Variants in P4HB observed in about 807,000 individuals in gnomAD.
The protein encoded by P4HB is prolyl 4-hydroxylase subunit beta.
In P4HB, 20 loss-of-function variants were observed where a neutral mutation model predicts 52.6. The ratio of observed to expected loss-of-function variants is 0.38; its 90% confidence interval spans 0.27 to 0.55. P4HB has a LOEUF of 0.55. P4HB is among the 20% of genes least tolerant of loss of function. P4HB has a pLI of 0.74. For synonymous variants in P4HB, 296 were observed against 277.9 expected (o/e 1.07, Z -0.65); for missense variants, 601 against 669.2 (o/e 0.90, Z 1.12).
rs201105668 is a variant in P4HB, at chr17:81,843,468, A to T, written c.*544T>A. The T allele has an allele frequency of 2.5e-4, 101 of 400,380 alleles. No individual in the cohort carries two copies. In the South Asian group the frequency reaches 4.2e-3, roughly 17 times the overall value. The allele number at this position is 400,380 out of a possible 1,614,324, so 24.8% of individuals were successfully genotyped here. On this transcript the variant is annotated 3_prime_UTR_variant, in exon 11 of 11. Coordinates refer to ENST00000331483, the MANE Select transcript of P4HB (RefSeq NM_000918.4). ...CAGGCATGGGGGACACCCTGACAGG[A>T]TCCGGAAGTCTCCATTTACCCAAAA... is the stretch of plus-strand genomic sequence containing the variant.
rs761747641 is a variant in P4HB, at chr17:81,843,990, C to T, written c.*22G>A. 31 of 1,586,818 alleles carry T rather than the reference C, an allele frequency of 2.0e-5. No homozygotes were observed. In the African/African-American group the frequency reaches 2.0e-4, roughly 10 times the overall value. On this transcript the variant is annotated 3_prime_UTR_variant, in exon 11 of 11. Coordinates refer to ENST00000331483, the MANE Select transcript of P4HB (RefSeq NM_000918.4). ...TGCAGCCCCCGAGGGGTCTCGGCAG[C>T]GCCCGGGTCTGGCTTTGCGTATTAC...
intron 10 of P4HB, among the ~76,000 whole-genome samples, 176 bp from the exon 11 acceptor site, chr17:81,844,268 A>G (rs535643176): frequency 3.3e-5 from 5 of 152,340 alleles, no homozygotes; most frequent in Middle Eastern, 3.4e-3. Flanking sequence ...CTTCCCAGGA[A>G]GAGTGACGCC....
chr17:81,846,555 T>C lies in P4HB; in HGVS notation c.930A>G (p.Glu310=). 1 of 1,614,046 alleles carries C rather than the reference T, an allele frequency of 6.2e-7. No individual in the cohort carries two copies. Among genetic ancestry groups the C allele is most frequent in the Non-Finnish European group, 8.5e-7 (1 of 1,180,008 alleles). The change falls in exon 7 of 11, where the codon GAA becomes GAG. Residue 310 remains glutamate (E), a synonymous_variant. Transcript: ENST00000331483. This position sits in a 1 kb window ranked among gnomAD's most constrained non-coding sequence, Gnocchi z 5.7. ...RILEFFGLKK[E]ECPAVRLITL... ...TGATGAGGCGCACGGCCGGGCACTC[T>C]TCCTTCTTCAGGCCAAAGAACTCGA...
In P4HB at chr17:81,855,435, G is replaced by A; in HGVS notation, c.486+18C>T. On this transcript the variant is annotated intron_variant, in intron 3 of 10. Transcript: ENST00000331483. The surrounding 1 kb of genome is among the most constrained non-coding windows in gnomAD (Gnocchi z 4.3). ...TGGATGACGGAAGGAAGGAAGACTG[G>A]AATGCTCTGGTCTCTACCTTGAAGA... 14 of 1,603,696 alleles carry A rather than the reference G, an allele frequency of 8.7e-6. No homozygotes were observed. Among genetic ancestry groups the A allele is most frequent in the Non-Finnish European group, 1.2e-5 (14 of 1,172,918 alleles).
chr17:81,852,884 G>C (rs138484204), intron 4 of P4HB, among the ~76,000 whole-genome samples: 95 of 152,374 alleles, frequency 6.2e-4, no homozygotes, highest in Non-Finnish European at 1.0e-3. Context: ...AGTTTCGTGG[G>C]CTCTGGAGAA....
intron 1 of P4HB, chr17:81,859,598 C>G (rs1448582291): frequency 3.5e-6 from 2 of 578,076 alleles, no homozygotes; most frequent in Admixed American, 3.0e-5. Context: ...AAACTACCAC[C>G]AACCAACACC....
rs202138544 is a variant in P4HB at position 81,849,510 on chromosome 17, AAAAT to A, written c.625-2167_625-2164del. ...ACTTCATCTCAAAAAATAAAAAATAAAAATAAATAGAGAGAAAAAAACGATTTTT... is the reference window on the plus strand; with the variant it reads ...ACTTCATCTCAAAAAATAAAAAATAAAAATAGAGAGAAAAAAACGATTTTT... On this transcript the variant is annotated intron_variant, in intron 4 of 10. Transcript: ENST00000331483. Among the ~76,000 whole-genome samples, 714 of 152,280 alleles carry A rather than the reference AAAAT, an allele frequency of 4.7e-3. 6 individuals carry two copies. The highest frequency in any genetic ancestry group is 0.016 in the African/African-American group (660 of 41,568).
In P4HB at chr17:81,846,514, A is replaced by G. The variant is rs1435567734; in HGVS notation, c.971T>C (p.Met324Thr). The change falls in exon 7 of 11, where the codon ATG becomes ACG. Residue 324 changes from methionine to threonine, a missense_variant. Physicochemically the swap from Met to Thr is moderately conservative, Grantham distance 81. Coordinates refer to ENST00000331483, the MANE Select transcript of P4HB (RefSeq NM_000918.4). This position sits in a 1 kb window ranked among gnomAD's most constrained non-coding sequence, Gnocchi z 5.7. ...CTCCGATTCGGGCTTGTACTTGGTC[A>G]TCTCCTCCTCCAGGGTGATGAGGCG... ...AVRLITLEEE[M>T]TKYKPESEEL... 6.2e-7 allele frequency: 1 copy of G among 1,613,908 alleles called. No homozygotes were observed.
chr17:81,854,119 C>T (rs887591417), intron 4 of P4HB, among the ~76,000 whole-genome samples: 2 of 152,246 alleles, frequency 1.3e-5, no homozygotes, highest in Non-Finnish European at 2.9e-5. Flanking sequence ...GAGGGGCATA[C>T]GAAGTGTGGG....
chr17:81,860,318 G>C lies in P4HB; in HGVS notation c.145+9C>G, dbSNP rs753889611. On this transcript the variant is annotated intron_variant, in intron 1 of 10. Transcript: ENST00000331483. ...CGAGCCCCGCCCGCCCGCCAGGCCC[G>C]GCGCTCACAGAACTCCACCAGCAGG... 18 of 1,451,582 alleles carry C rather than the reference G, an allele frequency of 1.2e-5. 1 individual carries two copies. The Admixed American group carries it at 4.5e-4, about 37-fold the overall frequency. The allele number at this position is 1,451,582 out of a possible 1,614,324, so 89.9% of individuals were successfully genotyped here.
At chr17:81,844,122 C>G (rs1423601245) in intron 10 of P4HB, 30 bp from the exon 11 acceptor site, 2 of 1,514,454 alleles carry the variant, frequency 1.3e-6, no homozygotes, top group Non-Finnish European at 9.2e-7. Context: ...GCGGGGCGGG[C>G]AGGTTGGCTG....
Position 81,847,234 on chromosome 17 carries a change from C to T in P4HB, c.729+9G>A, listed in dbSNP as rs753871552. Reference sequence around the variant, plus strand: ...CATCCCCAGCCTGGGGGCTGCAGGGCAGCCGCACCTGCTCGGTGAACTCGA... The same window carrying T: ...CATCCCCAGCCTGGGGGCTGCAGGGTAGCCGCACCTGCTCGGTGAACTCGA... On this transcript the variant is annotated intron_variant, in intron 5 of 10. Transcript: ENST00000331483. 1 of 1,613,252 alleles carries T rather than the reference C, an allele frequency of 6.2e-7. No homozygotes were observed. Among genetic ancestry groups the T allele is most frequent in the Admixed American group, 1.7e-5 (1 of 60,026 alleles).
chr17:81,846,029 C>T lies in P4HB; in HGVS notation c.1057-38G>A, dbSNP rs202079690. ...CAGGGCACGGTGAGGGGCGGCGATG[C>T]CTGGGGGACCACAGAGCTCCCCAAC... On this transcript the variant is annotated intron_variant, in intron 7 of 10. Coordinates refer to ENST00000331483, the MANE Select transcript of P4HB (RefSeq NM_000918.4). This position sits in a 1 kb window ranked among gnomAD's most constrained non-coding sequence, Gnocchi z 5.7. 25 of 1,567,158 alleles carry T rather than the reference C, an allele frequency of 1.6e-5. No homozygotes were observed. Among genetic ancestry groups the T allele is most frequent in the Non-Finnish European group, 2.1e-5 (24 of 1,156,098 alleles).
At position 81,855,598 on chromosome 17, in the gene P4HB, C is replaced by T. The variant is rs1316352267; in HGVS notation, c.353-12G>A. 4 of 1,611,132 alleles carry T rather than the reference C, an allele frequency of 2.5e-6. No homozygotes were observed. The highest frequency in any genetic ancestry group is 3.3e-5 in the Admixed American group (2 of 59,754). On this transcript the variant is annotated splice_polypyrimidine_tract_variant and intron_variant, in intron 2 of 10. Coordinates refer to ENST00000331483, the MANE Select transcript of P4HB (RefSeq NM_000918.4). This position sits in a 1 kb window ranked among gnomAD's most constrained non-coding sequence, Gnocchi z 4.3. ...AGCCTCTCTGCCAGCTAACCCCAAA[C>T]AAATGTAGGTTCTACTCTCAAACAG... is the stretch of plus-strand genomic sequence containing the variant.
intron 4 of P4HB, among the ~76,000 whole-genome samples, chr17:81,850,281 C>T (rs539901977): frequency 5.5e-4 from 84 of 151,672 alleles, no homozygotes; most frequent in African/African-American, 1.8e-3. Context: ...TACAGGTACG[C>T]GCCACCACGC....
chr17:81,845,871 A>C lies in P4HB; in HGVS notation c.1177T>G (p.Tyr393Asp). Reference sequence around the variant, plus strand: ...GGGGAGCTGAAAGGGCAACACTTACAGAACTCCACAAAGACGTTTTTTTTC... The same window carrying C: ...GGGGAGCTGAAAGGGCAACACTTACCGAACTCCACAAAGACGTTTTTTTTC... ...DEKKNVFVEF[Y>D]APWCGHCKQL... is the part of the protein sequence containing the mutation. The change falls in exon 8 of 11, where the codon TAT (tyrosine) becomes GAT (aspartate). Residue 393 changes from tyrosine (Y) to aspartate (D), a missense_variant and splice_region_variant. By Grantham distance (160) the Tyr-to-Asp change is radical. Transcript: ENST00000331483. 6.2e-7 allele frequency: 1 copy of C among 1,614,026 alleles called. No homozygotes were observed. The highest frequency in any genetic ancestry group is 2.2e-5 in the East Asian group (1 of 44,890).
At position 81,855,585 on chromosome 17, in the gene P4HB, A is replaced by G; in HGVS notation, c.354T>C (p.Ala118=). Residue 118 remains alanine (A), a splice_region_variant and synonymous_variant, in exon 3 of 11, where the codon GCT becomes GCC. Coordinates refer to ENST00000331483, the MANE Select transcript of P4HB (RefSeq NM_000918.4). The surrounding 1 kb of genome is among the most constrained non-coding windows in gnomAD (Gnocchi z 4.3). ...TCACGATGTCATCAGCCTCTCTGCC[A>G]GCTAACCCCAAACAAATGTAGGTTC... is the stretch of plus-strand genomic sequence containing the variant. The part of the protein sequence containing the change: ...GDTASPKEYT[A]GREADDIVNW... 2 of 1,612,770 alleles carry G rather than the reference A, an allele frequency of 1.2e-6. No homozygotes were observed. The highest frequency in any genetic ancestry group is 1.7e-6 in the Non-Finnish European group (2 of 1,179,374).
chr17:81,860,358 C>T lies in P4HB; in HGVS notation c.114G>A (p.Leu38=). ...VLRKSNFAEA[L]AAHKYLLVEF... is the part of the protein sequence containing the mutation. Reference sequence around the variant, plus strand: ...CCACCAGCAGGTACTTGTGGGCCGCCAGCGCCTCCGCGAAGTTGCTTTTCC... The same window carrying T: ...CCACCAGCAGGTACTTGTGGGCCGCTAGCGCCTCCGCGAAGTTGCTTTTCC... The change falls in exon 1 of 11, where the codon CTG becomes CTA. Residue 38 remains leucine, a synonymous_variant. Transcript: ENST00000331483. 1 of 1,473,384 alleles carries T rather than the reference C, an allele frequency of 6.8e-7. No individual in the cohort carries two copies. Among genetic ancestry groups the T allele is most frequent in the East Asian group, 3.0e-5 (1 of 32,986 alleles). The allele number at this position is 1,473,384 out of a possible 1,614,324, so 91.3% of individuals were successfully genotyped here.
intron 2 of P4HB, among the ~76,000 whole-genome samples, chr17:81,856,601 G>C (rs572028146): frequency 6.8e-4 from 102 of 150,930 alleles, no homozygotes; most frequent in African/African-American, 2.2e-3. Context: ...GTCTCCCAAA[G>C]TGCTAGGATT....
Sources: gnomAD v4.1 joint callset for allele counts (sites outside exome capture counted in the v4.1 genomes callset) on GRCh38, gnomAD v4.1.1 for gene constraint, Gnocchi (gnomAD v3.1) non-coding constraint, MANE v1.5 for transcripts, NCBI Gene and HGNC (gene_info 2026-07-23, HGNC 2026-07-21) for gene names.